The following ZDHHC18 variants were observed in gnomAD, a reference collection of about 807,000 sequenced individuals.
ZDHHC18 encodes the protein zDHHC palmitoyltransferase 18.
In ZDHHC18, 23 loss-of-function variants were observed where a neutral mutation model predicts 37.5. The ratio of observed to expected loss-of-function variants is 0.61; its 90% CI spans 0.44 to 0.87. The LOEUF is 0.87. Among genes scored for constraint, ZDHHC18 ranks in the 40% least tolerant of loss-of-function variants. The probability of loss-of-function intolerance (pLI) is 0.00; values close to 1 mark genes in which losing one functional copy is unlikely to be tolerated. For missense variants in ZDHHC18, 406 were observed against 525.6 expected (o/e 0.77, Z 2.22); for synonymous variants, 185 against 218.7 (o/e 0.85, Z 1.36).
chr1:26,834,517 C>T (rs1427548721), intron 2 of ZDHHC18, among the ~76,000 whole-genome samples: 1 of 152,204 alleles, frequency 6.6e-6, no homozygotes, highest in African/African-American at 2.4e-5. Flanking sequence ...GCCTTCTTGA[C>T]CCCAGTTGGG....
At chr1:26,849,425 G>A (rs999150468) in intron 3 of ZDHHC18, among the ~76,000 whole-genome samples, 9 of 152,204 alleles carry the variant, frequency 5.9e-5, no homozygotes, top group African/African-American at 1.9e-4. Flanking sequence ...CCAGGGCAGT[G>A]AGCTCATCAT....
intron 2 of ZDHHC18, among the ~76,000 whole-genome samples, chr1:26,843,577 T>C (rs2081648897): frequency 6.7e-6 from 1 of 149,852 alleles, no homozygotes; most frequent in Non-Finnish European, 1.5e-5. Flanking sequence ...TGACTTCAGA[T>C]CAGGAGTTCG....
intron 6 of ZDHHC18, among the ~76,000 whole-genome samples, chr1:26,852,066 A>C (rs2081707459): frequency 6.6e-6 from 1 of 152,246 alleles, no homozygotes; most frequent in Admixed American, 6.5e-5. Flanking sequence ...AAAACTTCAC[A>C]CATGACAGGG....
At chr1:26,846,120 A>T (rs1026915787) in intron 2 of ZDHHC18, among the ~76,000 whole-genome samples, 2 of 134,168 alleles carry the variant, frequency 1.5e-5, no homozygotes, top group African/African-American at 5.0e-5. Flanking sequence ...GTGTATATAT[A>T]TATGTGTGTG....
Position 26,853,847 on chromosome 1 carries a change from C to G in ZDHHC18, c.*4C>G. 1 of 1,612,738 alleles carries G rather than the reference C, an allele frequency of 6.2e-7. No individual in the cohort carries two copies. Among genetic ancestry groups the G allele is most frequent in the Non-Finnish European group, 8.5e-7 (1 of 1,179,688 alleles). On this transcript the variant is annotated 3_prime_UTR_variant, in exon 8 of 8. Transcript: ENST00000374142. ...CATGGTAGGAGGCCACCCCTGACCA[C>G]GGCTCAGTACTTGCCACCTGCTGGC...
intron 1 of ZDHHC18, chr1:26,832,200 T>C (rs1386745723): frequency 2.0e-6 from 1 of 507,038 alleles, no homozygotes; most frequent in African/African-American, 1.9e-5. Flanking sequence ...TGCTGGGATC[T>C]ATTGGACACA....
At chr1:26,828,181 GCA>G (rs1199449786) in intron 1 of ZDHHC18, among the ~76,000 whole-genome samples, 34 of 151,686 alleles carry the variant, frequency 2.2e-4, no homozygotes, top group African/African-American at 6.1e-4. Context: ...GTGATTCCTT[GCA>G]CACACACTCA....
chr1:26,850,520 C>A lies in ZDHHC18; in HGVS notation c.785-38C>A. 6.2e-7 allele frequency: 1 copy of A among 1,614,214 alleles called. No homozygotes were observed. The highest frequency in any genetic ancestry group is 8.5e-7 in the Non-Finnish European group (1 of 1,180,040). Reference sequence around the variant, plus strand: ...GTCAGCAAGCTTCAGCAGTCACTGTCCCTCTGAGCTTGTCCTCTCCTGTTT... The same window carrying A: ...GTCAGCAAGCTTCAGCAGTCACTGTACCTCTGAGCTTGTCCTCTCCTGTTT... On this transcript the variant is annotated intron_variant, in intron 4 of 7. Transcript: ENST00000374142. The surrounding 1 kb of genome is among the most constrained non-coding windows in gnomAD (Gnocchi z 6.1).
chr1:26,831,426 C>T (rs563254156), intron 1 of ZDHHC18, among the ~76,000 whole-genome samples: 1 of 152,288 alleles, frequency 6.6e-6, no homozygotes, highest in Admixed American at 6.5e-5. Context: ...TGTATTCAAA[C>T]TATATGGAAA....
chr1:26,827,070 GC>G lies in ZDHHC18; in HGVS notation c.268del (p.His90ThrfsTer31). 7.2e-7 allele frequency: 1 copy of G among 1,384,734 alleles called. No individual in the cohort carries two copies. Among genetic ancestry groups the G allele is most frequent in the Non-Finnish European group, 9.3e-7 (1 of 1,069,630 alleles). The allele number at this position is 1,384,734 out of a possible 1,614,324, so 85.8% of individuals were successfully genotyped here. On this transcript the variant is annotated frameshift_variant, in exon 1 of 8. Transcript: ENST00000374142. LOFTEE classifies it high-confidence loss of function. ...FYCGGRLMLA[G>X]HGGVFALTLL... is the part of the protein sequence containing the mutation. ...TGCGGCGGCCGCCTCATGCTGGCCG[GC>G]CACGGCGGCGTCTTCGCGCTCACGC...
Position 26,852,850 on chromosome 1 carries a change from G to T in ZDHHC18, c.1034G>T (p.Gly345Val). 1 of 1,613,864 alleles carries T rather than the reference G, an allele frequency of 6.2e-7. No homozygotes were observed. The highest frequency in any genetic ancestry group is 8.5e-7 in the Non-Finnish European group (1 of 1,179,866). ...IITNCCAVLC[G>V]PLPPSLIDRR... ...ACCAACTGCTGTGCTGTGCTCTGTG[G>T]CCCCCTACCTCCCAGGTAAGTGAGC... is the stretch of plus-strand genomic sequence containing the variant. Residue 345 changes from glycine to valine, a missense_variant, in exon 7 of 8, where the codon GGC becomes GTC. Physicochemically the swap from Gly to Val is moderately radical, Grantham distance 109. Transcript: ENST00000374142.
rs1450879147 is a variant in ZDHHC18, at chr1:26,832,435, C to G, written c.336-12C>G. 1.2e-6 allele frequency: 2 copies of G among 1,613,970 alleles called. No individual in the cohort carries two copies. Among genetic ancestry groups the G allele is most frequent in the Non-Finnish European group, 1.7e-6 (2 of 1,179,916 alleles). Reference sequence around the variant, plus strand: ...GGGGTGTCTGCTGATCTCTCTCCATCTCTCGTTCTAGCTGTCCCTACCTGG... The same window carrying G: ...GGGGTGTCTGCTGATCTCTCTCCATGTCTCGTTCTAGCTGTCCCTACCTGG... On this transcript the variant is annotated splice_polypyrimidine_tract_variant and intron_variant, in intron 1 of 7. Coordinates refer to ENST00000374142, the MANE Select transcript of ZDHHC18 (RefSeq NM_032283.3).
chr1:26,829,853 G>A (rs1260323494), intron 1 of ZDHHC18, among the ~76,000 whole-genome samples: 2 of 152,186 alleles, frequency 1.3e-5, no homozygotes, highest in Non-Finnish European at 2.9e-5. Flanking sequence ...TTAGCCTCTG[G>A]CAAATCAGGA....
rs1570679084 is a variant in ZDHHC18, at chr1:26,856,525, T to G, written c.*2682T>G. ...GCAGCTCTCCAGCTGGAAGAGGAGG[T>G]GGAGGGTGAGGCTGGGGAGAGGATG... On this transcript the variant is annotated 3_prime_UTR_variant, in exon 8 of 8. Coordinates refer to ENST00000374142, the MANE Select transcript of ZDHHC18 (RefSeq NM_032283.3). This position sits in a 1 kb window ranked among gnomAD's most constrained non-coding sequence, Gnocchi z 5.2. 4.7e-6 allele frequency: 1 copy of G among 214,528 alleles called. No individual in the cohort carries two copies. Among genetic ancestry groups the G allele is most frequent in the Non-Finnish European group, 1.0e-5 (1 of 97,916 alleles). 13.3% of individuals were successfully genotyped at this position (214,528 alleles called of 1,614,324 possible).
chr1:26,847,197 T>C (rs187184595), intron 2 of ZDHHC18, among the ~76,000 whole-genome samples: 24 of 152,138 alleles, frequency 1.6e-4, no homozygotes, highest in Non-Finnish European at 2.5e-4. Context: ...ACCTGGCCAA[T>C]TGTTCCCTAA....
chr1:26,835,322 G>A (rs1463106069), intron 2 of ZDHHC18, among the ~76,000 whole-genome samples: 1 of 152,252 alleles, frequency 6.6e-6, no homozygotes, highest in African/African-American at 2.4e-5. Context: ...TGCAAAAGTG[G>A]CATTTTGGAG....
rs2081715072 is a variant in ZDHHC18, at chr1:26,853,092, G to A, written c.1049+227G>A. On this transcript the variant is annotated intron_variant, in intron 7 of 7. Transcript: ENST00000374142. ...CAAAACGTAAAACAGAGGAGCATTG[G>A]ATATGACATGTAATTCTACTCCCCG... 21 of 467,136 alleles carry A rather than the reference G, an allele frequency of 4.5e-5. No individual in the cohort carries two copies. In the South Asian group the frequency reaches 5.6e-4, roughly 12 times the overall value. The allele number at this position is 467,136 out of a possible 1,614,324, so 28.9% of individuals were successfully genotyped here.
At position 26,828,289 on chromosome 1, in the gene ZDHHC18, A is replaced by G. The variant is rs1331070934; in HGVS notation, c.335+1150A>G. ...TTCCTCTTAATTATACAGTGTAGTT[A>G]AGAACTCTAACAGACCTGGTTCAAA... On this transcript the variant is annotated intron_variant, in intron 1 of 7. Coordinates refer to ENST00000374142, the MANE Select transcript of ZDHHC18 (RefSeq NM_032283.3). Among the ~76,000 whole-genome samples the G allele has an allele frequency of 6.3e-5, 9 of 142,568 alleles. No individual in the cohort carries two copies. In the South Asian group the frequency reaches 1.6e-3, roughly 25 times the overall value. The allele number at this position is 142,568 out of a possible 152,430, so 93.5% of individuals were successfully genotyped here.
At chr1:26,852,671 G>A in intron 6 of ZDHHC18, 82 bp from the exon 7 acceptor site, 1 of 1,231,058 alleles carries the variant, frequency 8.1e-7, no homozygotes, top group South Asian at 1.3e-5. Context: ...GAATTGTCCA[G>A]TTGTCCCCAG....
Sources: gnomAD v4.1 joint callset for allele counts (sites outside exome capture counted in the v4.1 genomes callset) on GRCh38, gnomAD v4.1.1 for gene constraint, Gnocchi (gnomAD v3.1) non-coding constraint, MANE v1.5 for transcripts, NCBI Gene and HGNC (gene_info 2026-07-23, HGNC 2026-07-21) for gene names.